The following PAIP1 variants were observed in gnomAD, a reference collection of about 807,000 sequenced individuals.
The protein encoded by PAIP1 is polyadenylate-binding protein-interacting protein 1.
Under a neutral mutation model 61.3 loss-of-function variants are expected in PAIP1, and 16 were observed. The ratio of observed to expected loss-of-function variants is 0.26; its 90% CI spans 0.18 to 0.40. The LOEUF (loss-of-function observed/expected upper bound fraction) is 0.40, where lower values mean the gene tolerates loss of function less well. Among genes scored for constraint, PAIP1 ranks in the 10% least tolerant of loss-of-function variants. The pLI, the probability that PAIP1 is intolerant of heterozygous loss-of-function variation, is 1.00. For synonymous variants in PAIP1, 187 were observed against 226.2 expected, an observed-to-expected ratio of 0.83 and a Z score of 1.56; for missense variants, 416 against 600.9, an observed-to-expected ratio of 0.69 and a Z score of 3.22.
chr5:43,543,374 A>T (rs924098699), intron 3 of PAIP1, among the ~76,000 whole-genome samples: 2 of 152,126 alleles, frequency 1.3e-5, no homozygotes, highest in African/African-American at 2.4e-5. Context: ...CGAAGAGATA[A>T]TGTCTCCTGA....
chr5:43,544,372 C>T (rs1455816619), intron 3 of PAIP1, among the ~76,000 whole-genome samples: 2 of 152,008 alleles, frequency 1.3e-5, no homozygotes, highest in Non-Finnish European at 2.9e-5. Flanking sequence ...TTAGCTGGTA[C>T]CCAAGACTTG....
chr5:43,541,866 G>A (rs1046382220), intron 4 of PAIP1, among the ~76,000 whole-genome samples: 1 of 151,710 alleles, frequency 6.6e-6, no homozygotes, highest in Non-Finnish European at 1.5e-5. Flanking sequence ...TTCATTAGAC[G>A]AAACAAGCAT....
At chr5:43,528,190 A>C (rs186372339) in intron 10 of PAIP1, among the ~76,000 whole-genome samples, 267 of 152,298 alleles carry the variant, frequency 1.8e-3, no homozygotes, top group Non-Finnish European at 2.8e-3. Context: ...TTCATTTTGG[A>C]GATGGAAAAT....
chr5:43,528,994 C>G (rs1746822609), intron 10 of PAIP1, among the ~76,000 whole-genome samples: 1 of 152,040 alleles, frequency 6.6e-6, no homozygotes, highest in South Asian at 2.1e-4. Flanking sequence ...TAATTAACAT[C>G]TTCTTATCAG....
At position 43,556,582 on chromosome 5, in the gene PAIP1, C is replaced by T. The variant is rs1430315681; in HGVS notation, c.265G>A (p.Glu89Lys). 1.6e-6 allele frequency: 2 copies of T among 1,252,590 alleles called. No individual in the cohort carries two copies. The highest frequency in any genetic ancestry group is 1.0e-6 in the Non-Finnish European group (1 of 994,072). 77.6% of individuals were successfully genotyped at this position (1,252,590 alleles called of 1,614,324 possible). ...TGGGGCCCTTAGAGCTGCTCCGTACCTGGGAGCGCCCCGGGCCGGGAAGGC... is the reference window on the plus strand; with the variant it reads ...TGGGGCCCTTAGAGCTGCTCCGTACTTGGGAGCGCCCCGGGCCGGGAAGGC... ...QRPSRPGALP[E>K]QTRPLRAPPS... Residue 89 changes from glutamate (E) to lysine (K), a missense_variant and splice_region_variant, in exon 1 of 11, where the codon GAG becomes AAG. Transcript: ENST00000306846.
chr5:43,554,912 C>T (rs1004759226), intron 2 of PAIP1, among the ~76,000 whole-genome samples: 20 of 152,118 alleles, frequency 1.3e-4, no homozygotes, highest in Admixed American at 2.0e-4. Flanking sequence ...AAGCTACCAA[C>T]GTTCATCAAC....
At chr5:43,556,477 AC>A in intron 1 of PAIP1, 104 bp downstream of exon 1, 3 of 1,197,864 alleles carry the variant, frequency 2.5e-6, no homozygotes, top group Non-Finnish European at 3.1e-6. Context: ...CTTTCGGGGA[AC>A]CGGGGGTGGG....
intron 4 of PAIP1, among the ~76,000 whole-genome samples, chr5:43,542,624 C>G (rs565509095): frequency 2.0e-4 from 30 of 150,650 alleles, no homozygotes; most frequent in Non-Finnish European, 4.1e-4. Context: ...GAATGAAAAT[C>G]CAGAATCAAA....
intron 3 of PAIP1, 124 bp from the exon 4 acceptor site, chr5:43,543,240 G>T: frequency 1.5e-5 from 5 of 336,950 alleles, no homozygotes; most frequent in East Asian, 5.5e-5. Flanking sequence ...CAAGTCTTTT[G>T]TCATTGTTAG....
chr5:43,555,164 A>G (rs1309809427), intron 2 of PAIP1, among the ~76,000 whole-genome samples: 3 of 152,216 alleles, frequency 2.0e-5, no homozygotes, highest in Non-Finnish European at 4.4e-5. Context: ...ATAATGTTCT[A>G]TTTCCTGACT....
At chr5:43,548,016 T>C (rs1342943217) in intron 2 of PAIP1, 103 bp from the exon 3 acceptor site, 1 of 647,932 alleles carries the variant, frequency 1.5e-6, no homozygotes, top group Non-Finnish European at 2.6e-6. Context: ...ATCCCTCACA[T>C]GATAAAAATT....
chr5:43,540,299 G>C (rs754389111), intron 4 of PAIP1, among the ~76,000 whole-genome samples: 2 of 152,204 alleles, frequency 1.3e-5, no homozygotes, highest in Admixed American at 6.5e-5. Flanking sequence ...TAATGGAAGA[G>C]ATCAGTTAAT....
intron 10 of PAIP1, among the ~76,000 whole-genome samples, chr5:43,528,172 C>T (rs1229761065): frequency 1.3e-5 from 2 of 152,220 alleles, no homozygotes; most frequent in African/African-American, 4.8e-5. Flanking sequence ...ATATGCATTA[C>T]GATCATCTTC....
chr5:43,546,974 C>T (rs1270036572), intron 3 of PAIP1, among the ~76,000 whole-genome samples: 5 of 122,192 alleles, frequency 4.1e-5, no homozygotes, highest in South Asian at 2.8e-4. Context: ...ACCCGGGAGA[C>T]GGAGGTCGCA....
chr5:43,545,774 ATTTT>A (rs761073861), intron 3 of PAIP1, among the ~76,000 whole-genome samples: 11 of 142,200 alleles, frequency 7.7e-5, no homozygotes, highest in African/African-American at 2.8e-4. Flanking sequence ...TTAATCTGTC[ATTTT>A]TTTTTTTTTT....
At chr5:43,532,062 A>T (rs1242798405) in intron 9 of PAIP1, among the ~76,000 whole-genome samples, 1 of 152,180 alleles carries the variant, frequency 6.6e-6, no homozygotes, top group Non-Finnish European at 1.5e-5. Flanking sequence ...ATAGCAGATT[A>T]AAAAACGTTT....
At chr5:43,555,015 G>A (rs1351659989) in intron 2 of PAIP1, among the ~76,000 whole-genome samples, 2 of 152,208 alleles carry the variant, frequency 1.3e-5, no homozygotes, top group South Asian at 2.1e-4. Context: ...GATATTGAAA[G>A]TGAGAAAGAA....
Position 43,556,648 on chromosome 5 carries a change from G to C in PAIP1, c.199C>G (p.Pro67Ala). 7.9e-7 allele frequency: 1 copy of C among 1,264,838 alleles called. No individual in the cohort carries two copies. The highest frequency in any genetic ancestry group is 9.9e-7 in the Non-Finnish European group (1 of 1,005,098). 78.4% of individuals were successfully genotyped at this position (1,264,838 alleles called of 1,614,324 possible). A position where few individuals can be genotyped will look rare whatever the true frequency, so the allele number is the denominator to read the frequency against. The stretch of plus-strand genomic sequence containing the variant: ...GGGACCTCGCACTGGGCCCCTGGCG[G>C]CGGGGTCGTCCTGGGCTGGCGCAGC... ...PPLRQPRTTP[P>A]PGAQCEVPAS... is the part of the protein sequence containing the mutation. The change falls in exon 1 of 11, where the codon CCG becomes GCG. Residue 67 changes from proline to alanine, a missense_variant. Transcript: ENST00000306846.
At chr5:43,538,647 C>G (rs775999009) in intron 5 of PAIP1, among the ~76,000 whole-genome samples, 1 of 152,128 alleles carries the variant, frequency 6.6e-6, no homozygotes, top group Admixed American at 6.5e-5. Context: ...CTGTTGATAT[C>G]TCAAGAACTT....
Sources: allele counts gnomAD v4.1 joint callset (sites outside exome capture counted in the v4.1 genomes callset), GRCh38; gene constraint gnomAD v4.1.1; transcripts MANE v1.5; gene names NCBI Gene and HGNC (gene_info 2026-07-23, HGNC 2026-07-21).